IPO11: variants seen among roughly 807,000 people sequenced by gnomAD.
IPO11 encodes importin 11.
In IPO11, 66 loss-of-function variants were observed where a neutral mutation model predicts 143.2. The ratio of observed to expected loss-of-function variants is 0.46; its 90% CI spans 0.38 to 0.57. IPO11 has a LOEUF of 0.57. IPO11 is among the 20% of genes least tolerant of loss of function. The pLI is 0.00. For synonymous variants in IPO11, 385 were observed against 377.8 expected (o/e 1.02, Z -0.22); for missense variants, 1,026 against 1,141.0 (o/e 0.90, Z 1.45).
intron 3 of IPO11, among the ~76,000 whole-genome samples, chr5:62,446,415 T>TA (rs1744724152): frequency 6.6e-6 from 1 of 152,232 alleles, no homozygotes; most frequent in Admixed American, 6.5e-5. Flanking sequence ...CACAGCAACA[T>TA]ACGAGTGTTT....
chr5:62,555,786 A>G (rs1397083434), intron 26 of IPO11, among the ~76,000 whole-genome samples: 1 of 152,058 alleles, frequency 6.6e-6, no homozygotes, highest in Admixed American at 6.6e-5. Flanking sequence ...TACAGGCATG[A>G]GCTACTGCGC....
At chr5:62,448,610 G>A (rs572830427) in intron 3 of IPO11, among the ~76,000 whole-genome samples, 46 of 152,216 alleles carry the variant, frequency 3.0e-4, no homozygotes, top group Middle Eastern at 3.4e-3. Flanking sequence ...GAATGCAGTG[G>A]CACAATCATA....
At chr5:62,483,027 A>T in intron 9 of IPO11, 74 bp from the exon 10 acceptor site, 1 of 933,488 alleles carries the variant, frequency 1.1e-6, no homozygotes, top group East Asian at 2.7e-5. Flanking sequence ...GTAAAGTTAT[A>T]ATTGGAGTGA....
intron 28 of IPO11, among the ~76,000 whole-genome samples, chr5:62,599,917 G>A (rs1745440932): frequency 6.6e-6 from 1 of 152,154 alleles, no homozygotes; most frequent in African/African-American, 2.4e-5. Flanking sequence ...TTTCCTGCAG[G>A]ACAGTTTTAG....
intron 29 of IPO11, among the ~76,000 whole-genome samples, chr5:62,603,233 T>A (rs1006179583): frequency 6.6e-6 from 1 of 152,178 alleles, no homozygotes; most frequent in African/African-American, 2.4e-5. Context: ...TATATATACG[T>A]TTAAGAAAGA....
chr5:62,468,553 G>C (rs1229052853), intron 6 of IPO11, among the ~76,000 whole-genome samples: 2 of 152,212 alleles, frequency 1.3e-5, no homozygotes, highest in African/African-American at 4.8e-5. Context: ...ACATTGGAGA[G>C]AAATGTTTGC....
chr5:62,470,279 G>C lies in IPO11; in HGVS notation c.679G>C (p.Val227Leu). The C allele has an allele frequency of 6.2e-7, 1 of 1,613,872 alleles. No individual in the cohort carries two copies. The highest frequency in any genetic ancestry group is 1.1e-5 in the South Asian group (1 of 91,068). ...VLRKLTVNGFVEPHKNMEVMG... is the reference protein window; with the variant it reads ...VLRKLTVNGFLEPHKNMEVMG... ...GCGTAAGTTAACTGTTAATGGATTT[G>C]TGGAACCTCATAAGAATATGGAGGT... Residue 227 changes from valine (V) to leucine (L), a missense_variant, in exon 7 of 30, where the codon GTG becomes CTG. Around this residue, in one of 5 missense-constraint regions of IPO11, gnomAD observed 429 missense variants for 456.3 expected, o/e 0.94. Coordinates refer to ENST00000325324, the MANE Select transcript of IPO11 (RefSeq NM_016338.5).
chr5:62,452,982 CAG>C (rs1744995211), intron 5 of IPO11, among the ~76,000 whole-genome samples: 1 of 150,382 alleles, frequency 6.6e-6, no homozygotes. Context: ...GTGTTTTTAA[CAG>C]TGTTCTTTGT....
chr5:62,529,613 AACAATCTATTC>A, intron 21 of IPO11, among the ~76,000 whole-genome samples: 1 of 152,340 alleles, frequency 6.6e-6, no homozygotes, highest in Admixed American at 6.5e-5. Context: ...TGTGATATAT[AACAATCTATTC>A]TTTGTATGTT....
chr5:62,492,604 C>T (rs1007077653), intron 15 of IPO11, among the ~76,000 whole-genome samples: 9 of 152,070 alleles, frequency 5.9e-5, no homozygotes, highest in African/African-American at 2.2e-4. Context: ...AGTGCAGTGC[C>T]ATGATGTTGG....
chr5:62,415,464 C>CTTT (rs67290766), intron 1 of IPO11, among the ~76,000 whole-genome samples: 4 of 101,276 alleles, frequency 3.9e-5, no homozygotes, highest in Non-Finnish European at 7.6e-5. Flanking sequence ...CCCGTCTTTA[C>CTTT]TTTTTTTTTT....
intron 27 of IPO11, among the ~76,000 whole-genome samples, chr5:62,587,891 A>G (rs1744855657): frequency 6.6e-6 from 1 of 152,170 alleles, no homozygotes; most frequent in African/African-American, 2.4e-5. Context: ...TGAGGCCCTG[A>G]TGCTGACCAC....
chr5:62,495,485 T>G (rs1285988816), intron 16 of IPO11, among the ~76,000 whole-genome samples: 1 of 152,194 alleles, frequency 6.6e-6, no homozygotes, highest in East Asian at 1.9e-4. Context: ...TTTTCTGTTT[T>G]GTTTTGGGAG....
chr5:62,443,406 T>TG lies in IPO11; in HGVS notation c.239+324dup, dbSNP rs754197110. 8 of 188,140 alleles carry TG rather than the reference T, an allele frequency of 4.3e-5. No individual in the cohort carries two copies. The East Asian group carries it at 1.1e-3, about 27-fold the overall frequency. The allele number at this position is 188,140 out of a possible 1,614,324, so 11.7% of individuals were successfully genotyped here. Reference sequence around the variant, plus strand: ...GAGTGTGTGTGTGTGTGTGTGTGTGTGTGTGTGTGTGTGTGCGTGTGTGCG... The same window carrying TG: ...GAGTGTGTGTGTGTGTGTGTGTGTGTGGTGTGTGTGTGTGTGCGTGTGTGCG... On this transcript the variant is annotated intron_variant, in intron 3 of 29. Coordinates refer to ENST00000325324, the MANE Select transcript of IPO11 (RefSeq NM_016338.5).
At chr5:62,539,132 C>A (rs1463866164) in intron 24 of IPO11, among the ~76,000 whole-genome samples, 3 of 152,056 alleles carry the variant, frequency 2.0e-5, no homozygotes, top group Non-Finnish European at 4.4e-5. Flanking sequence ...AATACCACAA[C>A]CTTGGTGGCT....
chr5:62,554,465 G>C (rs1172162802), intron 26 of IPO11, among the ~76,000 whole-genome samples: 1 of 152,090 alleles, frequency 6.6e-6, no homozygotes, highest in Non-Finnish European at 1.5e-5. Context: ...TATCACGAGA[G>C]GTAGGGATCT....
chr5:62,544,045 G>A (rs990010951), intron 24 of IPO11, among the ~76,000 whole-genome samples: 3 of 152,028 alleles, frequency 2.0e-5, no homozygotes, highest in Admixed American at 2.0e-4. Flanking sequence ...TTGCACTGTG[G>A]TCTGAGAGAC....
At chr5:62,434,762 C>T (rs1364657737) in intron 1 of IPO11, among the ~76,000 whole-genome samples, 2 of 152,060 alleles carry the variant, frequency 1.3e-5, no homozygotes, top group Non-Finnish European at 2.9e-5. Context: ...CAGTGGCTTA[C>T]ACCTGTAATG....
intron 5 of IPO11, among the ~76,000 whole-genome samples, chr5:62,453,742 A>G (rs543658928): frequency 6.6e-6 from 1 of 152,228 alleles, no homozygotes; most frequent in African/African-American, 2.4e-5. Context: ...TGGCTTGGCA[A>G]TTTGCATTTT....
Sources: gnomAD v4.1 joint callset for allele counts (sites outside exome capture counted in the v4.1 genomes callset) on GRCh38, gnomAD v4.1.1 for gene constraint, gnomAD v4.1.1 regional missense constraint, MANE v1.5 for transcripts, NCBI Gene and HGNC (gene_info 2026-07-23, HGNC 2026-07-21) for gene names.